The following TOMM20 variants were observed in gnomAD, a reference collection of about 807,000 sequenced individuals.
TOMM20 encodes mitochondrial import receptor subunit TOM20 homolog.
A neutral mutation model predicts 22.1 loss-of-function variants in TOMM20; 10 were observed. That is an observed-to-expected ratio of 0.45 (90% confidence interval 0.28 to 0.77). TOMM20 has a LOEUF of 0.77. Among genes scored for constraint, TOMM20 ranks in the 30% least tolerant of loss-of-function variants. The pLI is 0.13. For synonymous variants in TOMM20, 55 were observed against 61.4 expected, an observed-to-expected ratio of 0.90 and a Z score of 0.49; for missense variants, 121 against 172.2, an observed-to-expected ratio of 0.70 and a Z score of 1.66.
In TOMM20 at chr1:235,126,052, G is replaced by A. The variant is rs1226166234; in HGVS notation, c.121+2543C>T. Among the ~76,000 whole-genome samples, 4 of 149,494 alleles carry A rather than the reference G, an allele frequency of 2.7e-5. No individual in the cohort carries two copies. In the East Asian group the frequency reaches 6.0e-4, roughly 23 times the overall value. ...ATTACAGGCGTGAGTCACTGCGCCT[G>A]GTCGATAGATTAGATTAGATAGATA... On this transcript the variant is annotated intron_variant, in intron 1 of 4. Transcript: ENST00000366607.
At position 235,125,930 on chromosome 1, in the gene TOMM20, G is replaced by C. The variant is rs1480169664; in HGVS notation, c.121+2665C>G. ...ACGCCCAGCTAATTTTTTTTTTTTT[G>C]TATTTTTAGTAGAGACGGGGTTTCA... On this transcript the variant is annotated intron_variant, in intron 1 of 4. Coordinates refer to ENST00000366607, the MANE Select transcript of TOMM20 (RefSeq NM_014765.3). Among the ~76,000 whole-genome samples, 3 of 143,482 alleles carry C rather than the reference G, an allele frequency of 2.1e-5. No individual in the cohort carries two copies. In the South Asian group the frequency reaches 6.6e-4, roughly 32 times the overall value. The allele number at this position is 143,482 out of a possible 152,430, so 94.1% of individuals were successfully genotyped here.
intron 1 of TOMM20, among the ~76,000 whole-genome samples, chr1:235,127,388 A>G (rs1261050601): frequency 6.6e-6 from 1 of 152,234 alleles, no homozygotes. Flanking sequence ...GTAAAACAGT[A>G]TTCTATTAGT....
At chr1:235,113,449 C>T (rs1178473231) in intron 4 of TOMM20, among the ~76,000 whole-genome samples, 1 of 152,076 alleles carries the variant, frequency 6.6e-6, no homozygotes, top group Non-Finnish European at 1.5e-5. Context: ...GCATGGTCTC[C>T]TGGAAGAGTA....
At position 235,128,602 on chromosome 1, in the gene TOMM20, A is replaced by G. The variant is rs1462960864; in HGVS notation, c.114T>C (p.Leu38=). The G allele has an allele frequency of 6.2e-7, 1 of 1,612,652 alleles. No homozygotes were observed. Among genetic ancestry groups the G allele is most frequent in the Non-Finnish European group, 8.5e-7 (1 of 1,179,922 alleles). Residue 38 remains leucine (L), a synonymous_variant, in exon 1 of 5, where the codon CTT becomes CTC. Transcript: ENST00000366607. The part of the protein sequence containing the change: ...RRSDPNFKNR[L]RERRKKQKLA... ...GAGAGAGGACCCACTCACGTTCTCG[A>G]AGCCTGTTCTTGAAGTTGGGGTCAC...
chr1:235,116,076 T>C (rs149043803), intron 3 of TOMM20, among the ~76,000 whole-genome samples: 2 of 152,240 alleles, frequency 1.3e-5, no homozygotes, highest in South Asian at 2.1e-4. Flanking sequence ...ATCCATGAAA[T>C]TGGGGCAAAC....
At chr1:235,126,552 C>A (rs1454090904) in intron 1 of TOMM20, among the ~76,000 whole-genome samples, 1 of 152,086 alleles carries the variant, frequency 6.6e-6, no homozygotes, top group Admixed American at 6.6e-5. Context: ...CGCCTGTAAT[C>A]CCAGCACTTT....
At chr1:235,120,793 C>T (rs1397074078) in intron 2 of TOMM20, among the ~76,000 whole-genome samples, 2 of 142,622 alleles carry the variant, frequency 1.4e-5, no homozygotes, top group Admixed American at 7.7e-5. Context: ...CTTGAACCCA[C>T]GAGGTCGAGG....
At chr1:235,119,124 C>T (rs74148651) in intron 3 of TOMM20, among the ~76,000 whole-genome samples, 4,421 of 152,264 alleles carry the variant, frequency 0.029, 217 homozygotes, top group African/African-American at 0.1. Context: ...ACGATAGCAA[C>T]TACTTCAAAT....
In TOMM20 at chr1:235,128,767, G is replaced by C; in HGVS notation, c.-52C>G. On this transcript the variant is annotated 5_prime_UTR_variant, in exon 1 of 5. Transcript: ENST00000366607. ...GTGGCGGCAGGGACCGCGAAGGAGC[G>C]GTGGGCCACGAACCCTCAGAGCGGT... is the stretch of plus-strand genomic sequence containing the variant. 1.2e-6 allele frequency: 2 copies of C among 1,610,462 alleles called. No individual in the cohort carries two copies. The highest frequency in any genetic ancestry group is 1.7e-6 in the Non-Finnish European group (2 of 1,178,806).
At chr1:235,128,572 C>T (rs769634556) in intron 1 of TOMM20, 23 bp downstream of exon 1, 1 of 1,611,778 alleles carries the variant, frequency 6.2e-7, no homozygotes, top group South Asian at 1.1e-5. Context: ...CAAGCCTGGC[C>T]AGGGGAGAGA....
At chr1:235,117,475 C>CAAAAAAAAAA in intron 3 of TOMM20, among the ~76,000 whole-genome samples, 1 of 136,138 alleles carries the variant, frequency 7.3e-6, no homozygotes, top group Non-Finnish European at 1.6e-5. Flanking sequence ...TCAAAAAAAA[C>CAAAAAAAAAA]AAAAAAAAAA....
chr1:235,112,326 A>G (rs1391326993), intron 4 of TOMM20, among the ~76,000 whole-genome samples: 1 of 152,164 alleles, frequency 6.6e-6, no homozygotes, highest in African/African-American at 2.4e-5. Context: ...AAGTTAACAA[A>G]GGAGGCAGAT....
At position 235,126,292 on chromosome 1, in the gene TOMM20, C is replaced by T. The variant is rs575306127; in HGVS notation, c.121+2303G>A. ...GGACTACCGGCGTGCACCACCACAC[C>T]CGGCTAATTTTTGTATTTTTAGCAG... On this transcript the variant is annotated intron_variant, in intron 1 of 4. Coordinates refer to ENST00000366607, the MANE Select transcript of TOMM20 (RefSeq NM_014765.3). Among the ~76,000 whole-genome samples, 5 of 151,460 alleles carry T rather than the reference C, an allele frequency of 3.3e-5. No homozygotes were observed. In the East Asian group the frequency reaches 1.0e-3, roughly 30 times the overall value.
At chr1:235,115,358 A>G (rs1660812054) in intron 3 of TOMM20, among the ~76,000 whole-genome samples, 1 of 152,144 alleles carries the variant, frequency 6.6e-6, no homozygotes, top group South Asian at 2.1e-4. Flanking sequence ...GGCCGGGAGC[A>G]GTGGCTCATG....
rs1660703740 is a variant in TOMM20 at position 235,109,693 on chromosome 1, G to A, written c.*2371C>T. 1 of 152,220 alleles carries A rather than the reference G, an allele frequency of 6.6e-6. No individual in the cohort carries two copies. The highest frequency in any genetic ancestry group is 2.4e-5 in the African/African-American group (1 of 41,460). 9.4% of individuals were successfully genotyped at this position (152,220 alleles called of 1,614,324 possible). ...GCATTGCTACAGCCAGTAAGTCTAT[G>A]TTTTCAATGTTCTTTCGCTTTTAAG... On this transcript the variant is annotated 3_prime_UTR_variant, in exon 5 of 5. Coordinates refer to ENST00000366607, the MANE Select transcript of TOMM20 (RefSeq NM_014765.3).
At chr1:235,122,270 A>G in intron 2 of TOMM20, 56 bp downstream of exon 2, 1 of 1,372,386 alleles carries the variant, frequency 7.3e-7, no homozygotes, top group Non-Finnish European at 9.7e-7. Context: ...CCAATTACAG[A>G]TTTTAAAATA....
rs564938371 is a variant in TOMM20, at chr1:235,127,243, G to A, written c.121+1352C>T. On this transcript the variant is annotated intron_variant, in intron 1 of 4. Coordinates refer to ENST00000366607, the MANE Select transcript of TOMM20 (RefSeq NM_014765.3). ...TTTCCTATGTCAGAAAACGTGGAAG[G>A]CAATTCAAACATCTCAACCTTCACA... 5.3e-5 allele frequency among the ~76,000 whole-genome samples: 8 copies of A among 152,268 alleles called. No individual in the cohort carries two copies. In the East Asian group the frequency reaches 1.3e-3, roughly 26 times the overall value.
intron 1 of TOMM20, chr1:235,127,771 AC>A (rs1306868920): frequency 4.3e-6 from 2 of 462,682 alleles, no homozygotes; most frequent in East Asian, 1.2e-4. Context: ...GGTTTTCATG[AC>A]ACGATTCCCC....
Position 235,128,794 on chromosome 1 carries a change from G to T in TOMM20, c.-79C>A. 1 of 1,593,500 alleles carries T rather than the reference G, an allele frequency of 6.3e-7. No individual in the cohort carries two copies. Among genetic ancestry groups the T allele is most frequent in the Non-Finnish European group, 8.5e-7 (1 of 1,170,764 alleles). ...TGGGCCACGAACCCTCAGAGCGGTC[G>T]GCGCAGCTCACACCCGACGGCCGCG... On this transcript the variant is annotated 5_prime_UTR_variant, in exon 1 of 5. Transcript: ENST00000366607.
Sources: gnomAD v4.1 joint callset for allele counts (sites outside exome capture counted in the v4.1 genomes callset) on GRCh38, gnomAD v4.1.1 for gene constraint, MANE v1.5 for transcripts, NCBI Gene and HGNC (gene_info 2026-07-23, HGNC 2026-07-21) for gene names.